TRDN: variants seen among roughly 807,000 people sequenced by gnomAD.
TRDN encodes triadin, also known as triadin in skeletal muscle.
A neutral mutation model predicts 149.7 loss-of-function variants in TRDN; 161 were observed. The observed-to-expected ratio is 1.08, with a 90% CI of 0.95 to 1.23. TRDN has a LOEUF of 1.23. Among genes scored for constraint, TRDN ranks in the 50% most tolerant of loss-of-function variants. The pLI is 0.00. For synonymous variants in TRDN, 294 were observed against 250.5 expected (o/e 1.17, Z -1.64); for missense variants, 896 against 823.5 (o/e 1.09, Z -1.08).
chr6:123,292,201 C>A (rs1778034241), intron 24 of TRDN, among the ~76,000 whole-genome samples: 1 of 152,124 alleles, frequency 6.6e-6, no homozygotes, highest in African/African-American at 2.4e-5. Flanking sequence ...ATGCTGATGA[C>A]AAGGTCATGT....
intron 1 of TRDN, among the ~76,000 whole-genome samples, chr6:123,579,743 C>A (rs1020536141): frequency 1.3e-5 from 2 of 152,108 alleles, no homozygotes; most frequent in Admixed American, 1.3e-4. Flanking sequence ...TCCCTATAAT[C>A]CCCACATGTC....
chr6:123,606,937 A>G (rs1784553758), intron 1 of TRDN, among the ~76,000 whole-genome samples: 1 of 152,182 alleles, frequency 6.6e-6, no homozygotes, highest in East Asian at 1.9e-4. Flanking sequence ...GCACTAATCT[A>G]GATACTGAGG....
In TRDN at chr6:123,255,118, T is replaced by C; in HGVS notation, c.1914A>G (p.Thr638=). The C allele has an allele frequency of 7.5e-7, 1 of 1,333,074 alleles. No homozygotes were observed. The highest frequency in any genetic ancestry group is 1.0e-6 in the Non-Finnish European group (1 of 981,740). 82.6% of individuals were successfully genotyped at this position (1,333,074 alleles called of 1,614,324 possible). A position where few individuals can be genotyped will look rare whatever the true frequency, so the allele number is the denominator to read the frequency against. The part of the protein sequence containing the change: ...MKHLREEKVS[T]RKESLQLHNV... ...TGTGTAATTGAAGACTTTCTTTTCT[T>C]GTTGAGACTGTTAATAAGGAAAATG... is the stretch of plus-strand genomic sequence containing the variant. Residue 638 remains threonine (T), a synonymous_variant, in exon 37 of 41, where the codon ACA becomes ACG. Coordinates refer to ENST00000334268, the MANE Select transcript of TRDN (RefSeq NM_006073.4).
At chr6:123,317,281 G>A (rs1472676367) in intron 23 of TRDN, among the ~76,000 whole-genome samples, 1 of 151,654 alleles carries the variant, frequency 6.6e-6, no homozygotes, top group Non-Finnish European at 1.5e-5. Context: ...TTGATTAATG[G>A]AAGAGTCCAG....
chr6:123,620,066 C>T (rs966985664), intron 1 of TRDN, among the ~76,000 whole-genome samples: 1 of 152,130 alleles, frequency 6.6e-6, no homozygotes, highest in Non-Finnish European at 1.5e-5. Flanking sequence ...TGCATGATCA[C>T]AAATTTATCA....
chr6:123,539,991 C>T (rs1049861062), intron 4 of TRDN, among the ~76,000 whole-genome samples: 4 of 152,198 alleles, frequency 2.6e-5, no homozygotes, highest in Non-Finnish European at 5.9e-5. Flanking sequence ...GGGAGGTAAT[C>T]TAGAATTCTG....
At chr6:123,301,558 CTTAA>C (rs1778396118) in intron 24 of TRDN, among the ~76,000 whole-genome samples, 2 of 151,526 alleles carry the variant, frequency 1.3e-5, no homozygotes, top group East Asian at 1.9e-4. Context: ...AATGAATCCT[CTTAA>C]TTAATTGATT....
intron 12 of TRDN, among the ~76,000 whole-genome samples, chr6:123,399,340 G>A (rs914759743): frequency 6.6e-6 from 1 of 152,176 alleles, no homozygotes; most frequent in Non-Finnish European, 1.5e-5. Context: ...AGAATGACAA[G>A]TTTCTTAAGT....
intron 28 of TRDN, 149 bp downstream of exon 28, chr6:123,273,188 T>C: frequency 6.6e-6 from 5 of 762,906 alleles, no homozygotes; most frequent in Non-Finnish European, 9.8e-6. Context: ...GAATTCTTAT[T>C]TACAAAATTT....
intron 5 of TRDN, among the ~76,000 whole-genome samples, chr6:123,522,870 A>G (rs901667524): frequency 1.2e-4 from 19 of 152,184 alleles, no homozygotes; most frequent in Admixed American, 9.8e-4. Context: ...TTAATTTGAT[A>G]TAAGCATACA....
At chr6:123,634,354 T>C (rs1162277915) in intron 1 of TRDN, among the ~76,000 whole-genome samples, 4 of 151,846 alleles carry the variant, frequency 2.6e-5, no homozygotes, top group African/African-American at 9.7e-5. Flanking sequence ...GGTAGAAAGA[T>C]TGCTGGAACC....
intron 13 of TRDN, 82 bp from the exon 14 acceptor site, chr6:123,388,633 A>C (rs1175311226): frequency 4.0e-6 from 6 of 1,486,360 alleles, no homozygotes; most frequent in Non-Finnish European, 4.6e-6. Flanking sequence ...TGTATTCCAC[A>C]TATTCATAAA....
At chr6:123,325,633 A>T (rs1042730115) in intron 23 of TRDN, among the ~76,000 whole-genome samples, 1 of 152,132 alleles carries the variant, frequency 6.6e-6, no homozygotes, top group Non-Finnish European at 1.5e-5. Flanking sequence ...GTTTAAACAG[A>T]ATCAGAACAC....
At chr6:123,374,710 A>T (rs1304141048) in intron 19 of TRDN, among the ~76,000 whole-genome samples, 1 of 152,094 alleles carries the variant, frequency 6.6e-6, no homozygotes. Flanking sequence ...CAGGAGGCGG[A>T]GGTGCAGTGA....
At chr6:123,450,306 A>G (rs1775691984) in intron 10 of TRDN, among the ~76,000 whole-genome samples, 1 of 152,166 alleles carries the variant, frequency 6.6e-6, no homozygotes, top group Non-Finnish European at 1.5e-5. Context: ...ATGGCTAAGA[A>G]ATCACCAACC....
intron 4 of TRDN, among the ~76,000 whole-genome samples, chr6:123,545,285 T>C (rs903706512): frequency 6.6e-6 from 1 of 151,850 alleles, no homozygotes; most frequent in African/African-American, 2.4e-5. Context: ...AAATAACTTA[T>C]AAGACAAGAA....
intron 2 of TRDN, among the ~76,000 whole-genome samples, chr6:123,553,196 C>T (rs1781482374): frequency 6.6e-6 from 1 of 152,116 alleles, no homozygotes; most frequent in Non-Finnish European, 1.5e-5. Context: ...CAACAGGAGG[C>T]CTGTGTATGA....
chr6:123,446,394 G>T (rs1031335572), intron 10 of TRDN, among the ~76,000 whole-genome samples: 36 of 151,604 alleles, frequency 2.4e-4, no homozygotes, highest in African/African-American at 8.7e-4. Flanking sequence ...AATAATAAAA[G>T]AAAATAAATA....
At chr6:123,448,392 G>A (rs1325169058) in intron 10 of TRDN, among the ~76,000 whole-genome samples, 1 of 152,084 alleles carries the variant, frequency 6.6e-6, no homozygotes, top group South Asian at 2.1e-4. Flanking sequence ...GGCTGTTGGC[G>A]GGGGACATGG....
Sources: allele counts gnomAD v4.1 joint callset (sites outside exome capture counted in the v4.1 genomes callset), GRCh38; gene constraint gnomAD v4.1.1; transcripts MANE v1.5; gene names NCBI Gene and HGNC (gene_info 2026-07-23, HGNC 2026-07-21).